CCSER2: variants seen among roughly 807,000 people sequenced by gnomAD.
CCSER2 encodes serine-rich coiled-coil domain-containing protein 2.
In CCSER2, 46 loss-of-function variants were observed where a neutral mutation model predicts 92.3. That is an observed-to-expected ratio of 0.50 (90% confidence interval 0.39 to 0.64). The LOEUF (loss-of-function observed/expected upper bound fraction) is 0.64. Among genes scored for constraint, CCSER2 ranks in the 30% least tolerant of loss-of-function variants. The probability of loss-of-function intolerance (pLI) is 0.00; values close to 1 mark genes in which losing one functional copy is unlikely to be tolerated. For synonymous variants in CCSER2, 433 were observed against 431.4 expected (o/e 1.00, Z -0.04); for missense variants, 1,244 against 1,238.9 (o/e 1.00, Z -0.06).
intron 9 of CCSER2, among the ~76,000 whole-genome samples, chr10:84,490,615 A>G (rs970804697): frequency 6.6e-6 from 1 of 151,964 alleles, no homozygotes; most frequent in Non-Finnish European, 1.5e-5. Context: ...ACTTCTCTAC[A>G]CTGGTTCTTC....
chr10:84,399,855 C>T (rs1314076982), intron 3 of CCSER2, among the ~76,000 whole-genome samples: 5 of 148,636 alleles, frequency 3.4e-5, no homozygotes, highest in African/African-American at 1.2e-4. Flanking sequence ...CAGGCAATCA[C>T]TTAACCCTTT....
chr10:84,447,576 T>C (rs1261400012), intron 6 of CCSER2, among the ~76,000 whole-genome samples: 3 of 152,250 alleles, frequency 2.0e-5, no homozygotes, highest in Non-Finnish European at 4.4e-5. Context: ...TTCTTTGTGG[T>C]TTGCACTTTT....
intron 3 of CCSER2, among the ~76,000 whole-genome samples, chr10:84,408,521 G>A (rs1364844404): frequency 6.6e-6 from 1 of 151,660 alleles, no homozygotes; most frequent in Non-Finnish European, 1.5e-5. Flanking sequence ...TTCATAGAGT[G>A]ATATAATTAT....
rs1846080703 is a variant in CCSER2, at chr10:84,371,900, A to G, written c.848A>G (p.Asn283Ser). 1 of 1,613,932 alleles carries G rather than the reference A, an allele frequency of 6.2e-7. No homozygotes were observed. Among genetic ancestry groups the G allele is most frequent in the Non-Finnish European group, 8.5e-7 (1 of 1,179,852 alleles). Residue 283 changes from asparagine to serine, a missense_variant, in exon 2 of 10, where the codon AAT becomes AGT. Asn to Ser is a conservative substitution (Grantham distance 46). Transcript: ENST00000372088. ...NSRQPEVLNGNEHLGYGFNRP... is the reference protein window; with the variant it reads ...NSRQPEVLNGSEHLGYGFNRP... ...CGGCAGCCAGAAGTACTCAATGGGA[A>G]TGAACATTTGGGGTATGGATTTAAT...
intron 1 of CCSER2, among the ~76,000 whole-genome samples, chr10:84,334,341 T>G (rs1433581884): frequency 5.3e-5 from 8 of 152,130 alleles, no homozygotes; most frequent in Non-Finnish European, 1.0e-4. Flanking sequence ...TGGGGTGTGA[T>G]TCAGCCTATT....
At chr10:84,447,937 G>A (rs1034274320) in intron 6 of CCSER2, among the ~76,000 whole-genome samples, 1 of 152,074 alleles carries the variant, frequency 6.6e-6, no homozygotes, top group African/African-American at 2.4e-5. Flanking sequence ...GGGACTATAG[G>A]TATGCCCCAC....
At chr10:84,407,336 T>C (rs1332476824) in intron 3 of CCSER2, among the ~76,000 whole-genome samples, 2 of 152,228 alleles carry the variant, frequency 1.3e-5, no homozygotes, top group Non-Finnish European at 2.9e-5. Context: ...TTCCTTTTTT[T>C]GTTTTGCTTC....
intron 1 of CCSER2, among the ~76,000 whole-genome samples, chr10:84,360,079 C>G (rs1845416141): frequency 1.3e-5 from 2 of 152,184 alleles, no homozygotes; most frequent in African/African-American, 4.8e-5. Flanking sequence ...ACCTAAAGTG[C>G]TGGGATGACA....
chr10:84,514,056 C>T lies in CCSER2; in HGVS notation c.2933C>T (p.Ala978Val). Residue 978 changes from alanine to valine, a missense_variant, in exon 10 of 10, where the codon GCA becomes GTA. Physicochemically the swap from Ala to Val is moderately conservative, Grantham distance 64 (BLOSUM62 0). Coordinates refer to ENST00000372088, the MANE Select transcript of CCSER2 (RefSeq NM_001284240.2). ...CTTGCAAATAATCAGAATCTGAAAGCATCTAAGCTCCGCCCCCCCTCAGGC... is the reference window on the plus strand; with the variant it reads ...CTTGCAAATAATCAGAATCTGAAAGTATCTAAGCTCCGCCCCCCCTCAGGC... ...TNLANNQNLK[A>V]SKLRPPSGSF... 1 of 1,536,440 alleles carries T rather than the reference C, an allele frequency of 6.5e-7. No homozygotes were observed. Among genetic ancestry groups the T allele is most frequent in the Non-Finnish European group, 8.7e-7 (1 of 1,146,972 alleles).
intron 8 of CCSER2, among the ~76,000 whole-genome samples, chr10:84,473,763 A>G (rs1436568769): frequency 6.6e-6 from 1 of 152,184 alleles, no homozygotes; most frequent in Non-Finnish European, 1.5e-5. Flanking sequence ...ACTAGGAATT[A>G]AAGGACTTGT....
At chr10:84,373,068 T>C (rs546538245) in intron 2 of CCSER2, among the ~76,000 whole-genome samples, 14 of 152,238 alleles carry the variant, frequency 9.2e-5, no homozygotes, top group South Asian at 2.1e-4. Flanking sequence ...TATTTGGTAT[T>C]TGTATGCCCA....
intron 3 of CCSER2, among the ~76,000 whole-genome samples, chr10:84,411,661 A>G (rs1264353858): frequency 2.0e-5 from 3 of 152,170 alleles, no homozygotes; most frequent in African/African-American, 4.8e-5. Flanking sequence ...CTGATTTTGT[A>G]TCCTGAGACT....
rs1380221862 is a variant in CCSER2 at position 84,459,713 on chromosome 10, A to G, written c.2065-4220A>G. Among the ~76,000 whole-genome samples, 4 of 152,036 alleles carry G rather than the reference A, an allele frequency of 2.6e-5. No individual in the cohort carries two copies. The East Asian group carries it at 7.7e-4, about 29-fold the overall frequency. On this transcript the variant is annotated intron_variant, in intron 6 of 9. Coordinates refer to ENST00000372088, the MANE Select transcript of CCSER2 (RefSeq NM_001284240.2). Reference sequence around the variant, plus strand: ...AATTTTTTATAGTTTTGGTAGAGACAGAGTTTTAGCATGCTGCCCAGAATG... The same window carrying G: ...AATTTTTTATAGTTTTGGTAGAGACGGAGTTTTAGCATGCTGCCCAGAATG...
intron 1 of CCSER2, among the ~76,000 whole-genome samples, chr10:84,347,740 C>T (rs919615061): frequency 6.8e-5 from 10 of 146,312 alleles, no homozygotes; most frequent in South Asian, 4.4e-4. Context: ...ACTTCTCAGA[C>T]GGGGCGGCTG....
Position 84,514,406 on chromosome 10 carries a change from T to G in CCSER2, c.*139T>G. The G allele has an allele frequency of 1.5e-6, 1 of 652,240 alleles. No individual in the cohort carries two copies. Among genetic ancestry groups the G allele is most frequent in the Non-Finnish European group, 2.6e-6 (1 of 389,560 alleles). 40.4% of individuals were successfully genotyped at this position (652,240 alleles called of 1,614,324 possible). ...TCTTAAATTAAAATGTGGAAGCTTC[T>G]ACTAGTTTGGCTCCTTCATTTTATA... On this transcript the variant is annotated 3_prime_UTR_variant, in exon 10 of 10. Transcript: ENST00000372088.
At chr10:84,367,869 A>G (rs1038197044) in intron 1 of CCSER2, among the ~76,000 whole-genome samples, 14 of 152,076 alleles carry the variant, frequency 9.2e-5, no homozygotes, top group African/African-American at 3.4e-4. Flanking sequence ...GAAACTGTTT[A>G]TATGATTGTA....
intron 1 of CCSER2, among the ~76,000 whole-genome samples, chr10:84,357,231 CAGACACA>C (rs57821943): frequency 0.15 from 22,634 of 152,062 alleles, 1,784 homozygotes; most frequent in Admixed American, 0.24. Context: ...TAGTGCATTT[CAGACACA>C]AGACTATATG....
chr10:84,373,755 G>A lies in CCSER2; in HGVS notation c.1554G>A (p.Leu518=), dbSNP rs754943735. Residue 518 remains leucine (L), a synonymous_variant, in exon 3 of 10, where the codon TTG becomes TTA. Coordinates refer to ENST00000372088, the MANE Select transcript of CCSER2 (RefSeq NM_001284240.2). ...DGTYMWDEEG[L]EPIGNVHPVG... The stretch of plus-strand genomic sequence containing the variant: ...CATACATGTGGGATGAAGAAGGCTT[G>A]GAACCCATTGGAAATGTCCATCCAG... The A allele has an allele frequency of 1.8e-5, 29 of 1,613,576 alleles. No homozygotes were observed. Among genetic ancestry groups the A allele is most frequent in the Non-Finnish European group, 2.5e-5 (29 of 1,179,746 alleles).
At chr10:84,494,079 G>T (rs963511209) in intron 9 of CCSER2, among the ~76,000 whole-genome samples, 3 of 152,220 alleles carry the variant, frequency 2.0e-5, no homozygotes, top group Non-Finnish European at 4.4e-5. Flanking sequence ...GATAATGCAA[G>T]CAGTGGGCAG....
Sources: gnomAD v4.1 joint callset for allele counts (sites outside exome capture counted in the v4.1 genomes callset) on GRCh38, gnomAD v4.1.1 for gene constraint, MANE v1.5 for transcripts, NCBI Gene and HGNC (gene_info 2026-07-23, HGNC 2026-07-21) for gene names.